The following WDR27 variants were observed in gnomAD, a reference collection of about 807,000 sequenced individuals.
WDR27 encodes WD repeat domain 27, also known as WD repeat-containing protein 27.
In WDR27, 100 loss-of-function variants were observed where a neutral mutation model predicts 114.4. That is an observed-to-expected ratio of 0.87 (90% CI 0.74 to 1.03). The LOEUF (loss-of-function observed/expected upper bound fraction) is 1.03, where lower values mean the gene tolerates loss of function less well. Ranked by LOEUF, WDR27 falls within the 50% of genes least tolerant of loss-of-function variation. The pLI is 0.00. For synonymous variants in WDR27, 449 were observed against 423.1 expected, an observed-to-expected ratio of 1.06 and a Z score of -0.75; for missense variants, 1,129 against 1,092.9, an observed-to-expected ratio of 1.03 and a Z score of -0.47.
intron 2 of WDR27, among the ~76,000 whole-genome samples, chr6:169,675,334 T>G (rs57679620): frequency 0.037 from 5,587 of 152,246 alleles, 340 homozygotes; most frequent in African/African-American, 0.13. Flanking sequence ...GACATGCCTG[T>G]TTTCCCTTTG....
intron 25 of WDR27, among the ~76,000 whole-genome samples, chr6:169,467,461 T>A (rs1056836315): frequency 2.0e-5 from 3 of 152,220 alleles, no homozygotes; most frequent in Admixed American, 6.5e-5. Flanking sequence ...ATCCTTGAAA[T>A]AAAGGTGGAG....
downstream of WDR27, among the ~76,000 whole-genome samples, chr6:169,455,623 C>A (rs935393844): frequency 6.6e-6 from 1 of 152,246 alleles, no homozygotes; most frequent in Non-Finnish European, 1.5e-5. Flanking sequence ...CGGAACCAGG[C>A]AGGGAAGCCT....
rs552950507 is a variant in WDR27, at chr6:169,699,000, G to C, written c.-8+2551C>G. Among the ~76,000 whole-genome samples the C allele has an allele frequency of 9.8e-5, 15 of 152,334 alleles. No individual in the cohort carries two copies. In the East Asian group the frequency reaches 2.9e-3, roughly 29 times the overall value. On this transcript the variant is annotated intron_variant, in intron 1 of 25. Coordinates refer to ENST00000448612, the MANE Select transcript of WDR27 (RefSeq NM_182552.5). ...CTGAGTGACTGAGTGATGGGGCACA[G>C]AAACAAATTCAGGAGGGGAAAAGCT...
Position 169,457,320 on chromosome 6 carries a change from TTTAACTTTACCAAATTCTGTGCAG to T in WDR27, c.*248_*271del. On this transcript the variant is annotated 3_prime_UTR_variant, in exon 26 of 26. Transcript: ENST00000448612. ...TATGTTTTATTGAAAGATATTTTGT[TTTAACTTTACCAAATTCTGTGCAG>T]AAGTACTGGACGCCATTTCCATTTT... 2.9e-6 allele frequency: 1 copy of T among 339,078 alleles called. No individual in the cohort carries two copies. The highest frequency in any genetic ancestry group is 5.4e-6 in the Non-Finnish European group (1 of 186,888). The allele number at this position is 339,078 out of a possible 1,614,324, so 21.0% of individuals were successfully genotyped here. A position where few individuals can be genotyped will look rare whatever the true frequency, so the allele number is the denominator to read the frequency against.
At chr6:169,658,115 TG>T in intron 13 of WDR27, 160 bp downstream of exon 13, 1 of 609,074 alleles carries the variant, frequency 1.6e-6, no homozygotes, top group Non-Finnish European at 3.0e-6. Flanking sequence ...ACAGCGGACA[TG>T]GAACACGCAC....
chr6:169,534,103 C>T (rs889521494), intron 25 of WDR27, among the ~76,000 whole-genome samples: 2 of 152,106 alleles, frequency 1.3e-5, no homozygotes, highest in Non-Finnish European at 1.5e-5. Context: ...GTTTGTATCA[C>T]GGATGGTTGT....
chr6:169,685,456 G>A (rs1427493698), intron 2 of WDR27, among the ~76,000 whole-genome samples: 2 of 151,794 alleles, frequency 1.3e-5, no homozygotes, highest in Non-Finnish European at 2.9e-5. Flanking sequence ...ACAAAATCAG[G>A]AAAACAACTC....
At chr6:169,577,915 TG>T (rs1447735627) in intron 24 of WDR27, among the ~76,000 whole-genome samples, 2 of 152,186 alleles carry the variant, frequency 1.3e-5, no homozygotes, top group Non-Finnish European at 2.9e-5. Context: ...CCAGCTTTCC[TG>T]GGCTCCAGCT....
chr6:169,602,260 G>C lies in WDR27; in HGVS notation c.2383C>G (p.Pro795Ala), dbSNP rs773704528. 8 of 1,565,726 alleles carry C rather than the reference G, an allele frequency of 5.1e-6. No individual in the cohort carries two copies. The highest frequency in any genetic ancestry group is 6.9e-6 in the Non-Finnish European group (8 of 1,154,028). The change falls in exon 23 of 26, where the codon CCT (proline) becomes GCT (alanine). Residue 795 changes from proline to alanine, a missense_variant. Pro to Ala is a conservative substitution (Grantham distance 27, BLOSUM62 -1). Transcript: ENST00000448612. ...RGYPCGIAFSPCGRFAACGAE... is the reference protein window; with the variant it reads ...RGYPCGIAFSACGRFAACGAE... ...CCACAAGCCGCGAATCGTCCACAAG[G>C]ACTGAAAGCGATTCCACATGGATAG...
chr6:169,521,299 T>C (rs978903450), intron 25 of WDR27, among the ~76,000 whole-genome samples: 1 of 152,036 alleles, frequency 6.6e-6, no homozygotes, highest in African/African-American at 2.4e-5. Flanking sequence ...CATAAAGCTA[T>C]CTTTCGAATA....
intron 25 of WDR27, among the ~76,000 whole-genome samples, chr6:169,494,625 C>T (rs1337820603): frequency 6.6e-6 from 1 of 152,110 alleles, no homozygotes; most frequent in African/African-American, 2.4e-5. Context: ...TGCAAAACTG[C>T]ATTTACAGCA....
chr6:169,475,274 G>A (rs1239975057), intron 25 of WDR27, among the ~76,000 whole-genome samples: 1 of 152,220 alleles, frequency 6.6e-6, no homozygotes. Context: ...CAGGTGGAGT[G>A]CAGTGGCGCA....
At chr6:169,470,405 G>A (rs1786207619) in intron 25 of WDR27, among the ~76,000 whole-genome samples, 1 of 152,154 alleles carries the variant, frequency 6.6e-6, no homozygotes, top group Non-Finnish European at 1.5e-5. Flanking sequence ...GTAAGTATTT[G>A]TTACAGCAGC....
intron 25 of WDR27, among the ~76,000 whole-genome samples, chr6:169,493,720 T>C (rs1790061650): frequency 6.6e-6 from 1 of 152,176 alleles, no homozygotes; most frequent in Admixed American, 6.5e-5. Context: ...AAGAAGACAT[T>C]TTATAAGAGC....
intron 25 of WDR27, among the ~76,000 whole-genome samples, chr6:169,487,868 T>C (rs947787762): frequency 1.3e-5 from 2 of 152,172 alleles, no homozygotes; most frequent in Non-Finnish European, 2.9e-5. Flanking sequence ...TGATGAAAAA[T>C]GCCATAAAAG....
Position 169,654,692 on chromosome 6 carries a change from G to A in WDR27, c.1403-2684C>T, listed in dbSNP as rs1562828174. On this transcript the variant is annotated intron_variant, in intron 13 of 25. Coordinates refer to ENST00000448612, the MANE Select transcript of WDR27 (RefSeq NM_182552.5). ...CACACGCCTAAGTGAGAAGCCAGGC[G>A]AGCTGAGGAGGAGGCGCGCACAGGA... Among the ~76,000 whole-genome samples the A allele has an allele frequency of 2.0e-5, 3 of 148,584 alleles. No individual in the cohort carries two copies. In the East Asian group the frequency reaches 5.9e-4, roughly 29 times the overall value.
At chr6:169,511,679 C>T (rs1792901191) in intron 25 of WDR27, among the ~76,000 whole-genome samples, 2 of 151,916 alleles carry the variant, frequency 1.3e-5, no homozygotes, top group South Asian at 4.1e-4. Flanking sequence ...AAAATATTTA[C>T]TATTTGGCCT....
the WDR27 span, chr6:169,427,182 G>A: frequency 6.6e-6 from 1 of 152,508 alleles, no homozygotes; most frequent in Non-Finnish European, 1.5e-5. Context: ...CTGAGCAGGT[G>A]GGGAGGGGGG....
intron 21 of WDR27, among the ~76,000 whole-genome samples, chr6:169,617,675 C>T (rs1056209808): frequency 3.3e-5 from 5 of 152,110 alleles, no homozygotes; most frequent in Admixed American, 1.3e-4. Context: ...TGTGCCCAGC[C>T]GCCCAACCCT....
Sources: allele counts gnomAD v4.1 joint callset (sites outside exome capture counted in the v4.1 genomes callset), GRCh38; gene constraint gnomAD v4.1.1; transcripts MANE v1.5; gene names NCBI Gene and HGNC (gene_info 2026-07-23, HGNC 2026-07-21).